The following TUBGCP2 variants were observed in gnomAD, a reference collection of about 807,000 sequenced individuals.
TUBGCP2 encodes gamma-tubulin complex component 2.
A neutral mutation model predicts 92.2 loss-of-function variants in TUBGCP2; 55 were observed. The ratio of observed to expected loss-of-function variants is 0.60; its 90% CI spans 0.48 to 0.75. The LOEUF is 0.75. Among genes scored for constraint, TUBGCP2 ranks in the 30% least tolerant of loss-of-function variants. The probability of loss-of-function intolerance (pLI) is 0.00; values close to 1 mark genes in which losing one functional copy is unlikely to be tolerated. For missense variants in TUBGCP2, 1,093 were observed against 1,188.9 expected, an observed-to-expected ratio of 0.92 and a Z score of 1.19; for synonymous variants, 533 against 505.2, an observed-to-expected ratio of 1.06 and a Z score of -0.74.
intron 1 of TUBGCP2, among the ~76,000 whole-genome samples, chr10:133,307,259 C>T (rs759221565): frequency 2.6e-5 from 4 of 152,178 alleles, no homozygotes; most frequent in Non-Finnish European, 5.9e-5. Flanking sequence ...GAGGGACTGA[C>T]GTCCTCCTCA....
intron 11 of TUBGCP2, among the ~76,000 whole-genome samples, chr10:133,287,689 T>C (rs3008340): frequency 0.89 from 134,902 of 151,084 alleles, 60,322 homozygotes; most frequent in East Asian, 0.94. Context: ...TGCAGTGAGC[T>C]GAGATCATGC....
chr10:133,304,399 G>A (rs887681691), intron 1 of TUBGCP2, among the ~76,000 whole-genome samples: 3 of 152,204 alleles, frequency 2.0e-5, no homozygotes, highest in Non-Finnish European at 4.4e-5. Flanking sequence ...CTACACAAGG[G>A]TTCTTAAGCC....
At chr10:133,295,142 G>T (rs924088776) in intron 5 of TUBGCP2, 1 of 152,296 alleles carries the variant, frequency 6.6e-6, no homozygotes, top group Non-Finnish European at 1.5e-5. Context: ...CCTGGCTGTG[G>T]AGGGACCTCA....
In TUBGCP2 at chr10:133,302,820, G is replaced by C; in HGVS notation, c.122C>G (p.Thr41Ser). 1.2e-6 allele frequency: 2 copies of C among 1,613,098 alleles called. No individual in the cohort carries two copies. The highest frequency in any genetic ancestry group is 8.5e-7 in the Non-Finnish European group (1 of 1,180,002). Residue 41 changes from threonine (T) to serine (S), a missense_variant, in exon 2 of 18, where the codon ACT becomes AGT. Transcript: ENST00000252936. ...GGCACTGTGAGCAGAGACAGTGGTA[G>C]TGACGTACGGGGTCCTGTTCTTTTG... ...LLQKNRTPYV[T>S]TTVSAHSAKV...
intron 1 of TUBGCP2, among the ~76,000 whole-genome samples, chr10:133,307,792 G>A (rs936650295): frequency 2.0e-5 from 3 of 152,132 alleles, no homozygotes; most frequent in African/African-American, 7.2e-5. Flanking sequence ...CCTTCTGTGC[G>A]ATCATCAGAG....
chr10:133,288,016 C>A (rs553939854), intron 11 of TUBGCP2, 113 bp downstream of exon 11: 9 of 1,354,420 alleles, frequency 6.6e-6, no homozygotes, highest in South Asian at 1.5e-5. Flanking sequence ...ACAGACCCTG[C>A]GGTCGCCTCA....
chr10:133,293,803 C>T lies in TUBGCP2; in HGVS notation c.617-34G>A, dbSNP rs757450143. 6.4e-6 allele frequency: 10 copies of T among 1,550,624 alleles called. No homozygotes were observed. In the South Asian group the frequency reaches 9.4e-5, roughly 15 times the overall value. ...ACAGACAGCGCTGTGGCTCTGCAGC[C>T]CCCACTCCCATGCCCCCACAGCCAC... On this transcript the variant is annotated intron_variant, in intron 5 of 17. Transcript: ENST00000252936.
intron 8 of TUBGCP2, 112 bp from the exon 9 acceptor site, chr10:133,290,081 C>T: frequency 7.0e-7 from 1 of 1,420,618 alleles, no homozygotes; most frequent in African/African-American, 1.4e-5. Context: ...AGCACACTTC[C>T]AAGTAACGTT....
At position 133,284,053 on chromosome 10, in the gene TUBGCP2, G is replaced by A. The variant is rs75055029; in HGVS notation, c.2025-51C>T. ...AGCCATGGAGGACGCGGCCCCGACAGCGCCCACCAAGTGACACGGAGGACG... is the reference window on the plus strand; with the variant it reads ...AGCCATGGAGGACGCGGCCCCGACAACGCCCACCAAGTGACACGGAGGACG... On this transcript the variant is annotated intron_variant, in intron 13 of 17. Transcript: ENST00000252936. 31 of 1,594,692 alleles carry A rather than the reference G, an allele frequency of 1.9e-5. No homozygotes were observed. In the East Asian group the frequency reaches 5.9e-4, roughly 30 times the overall value.
In TUBGCP2 at chr10:133,281,254, CG is replaced by C; in HGVS notation, c.2573+18del. 1 of 1,606,622 alleles carries C rather than the reference CG, an allele frequency of 6.2e-7. No individual in the cohort carries two copies. On this transcript the variant is annotated intron_variant, in intron 17 of 17. Coordinates refer to ENST00000252936, the MANE Select transcript of TUBGCP2 (RefSeq NM_006659.4). ...GGACTGAGCTGAGGAAGGGCTGAGC[CG>C]GGGTGGCGCCCACCCACCTGGAGAT...
chr10:133,289,832 A>C lies in TUBGCP2; in HGVS notation c.1352T>G (p.Leu451Arg). 8.6e-6 allele frequency: 4 copies of C among 463,824 alleles called. No individual in the cohort carries two copies. Among genetic ancestry groups the C allele is most frequent in the Non-Finnish European group, 1.2e-5 (4 of 334,522 alleles). The allele number at this position is 463,824 out of a possible 1,614,324, so 28.7% of individuals were successfully genotyped here. A position where few individuals can be genotyped will look rare whatever the true frequency, so the allele number is the denominator to read the frequency against. ...CGCCCGCTGCGCCGCACCTGTGCTG[A>C]GGATCTTGTCCGCCATTTTCTGCAG... is the stretch of plus-strand genomic sequence containing the variant. Reference protein sequence around the residue: ...SFLQKMADKILSTGKYLNVVR... With the variant: ...SFLQKMADKIRSTGKYLNVVR... Residue 451 changes from leucine to arginine, a missense_variant, in exon 9 of 18, where the codon CTC becomes CGC. Around this residue, in one of 3 missense-constraint regions of TUBGCP2, gnomAD observed 598 missense variants for 675.5 expected, o/e 0.89. Coordinates refer to ENST00000252936, the MANE Select transcript of TUBGCP2 (RefSeq NM_006659.4).
chr10:133,286,198 C>T (rs1387412193), intron 11 of TUBGCP2, among the ~76,000 whole-genome samples: 1 of 152,034 alleles, frequency 6.6e-6, no homozygotes, highest in Non-Finnish European at 1.5e-5. Flanking sequence ...CAGAAATGAG[C>T]CCCTGACATC....
chr10:133,290,813 C>T (rs1414714955), intron 8 of TUBGCP2: 4 of 152,336 alleles, frequency 2.6e-5, no homozygotes, highest in African/African-American at 9.7e-5. Context: ...ATCATTTACG[C>T]ACTTCAAGTG....
At chr10:133,279,940 T>C (rs1846924232) in intron 17 of TUBGCP2, 39 bp from the exon 18 acceptor site, 3 of 1,597,162 alleles carry the variant, frequency 1.9e-6, no homozygotes, top group Non-Finnish European at 2.6e-6. Flanking sequence ...GCACACCCCT[T>C]CTGCGGGTGC....
intron 14 of TUBGCP2, among the ~76,000 whole-genome samples, chr10:133,283,489 C>A (rs1272253326): frequency 6.6e-6 from 1 of 152,256 alleles, no homozygotes; most frequent in East Asian, 1.9e-4. Context: ...TGCCTTCAGG[C>A]CCCTCAGCCT....
At chr10:133,309,099 G>T, upstream of TUBGCP2, 1 of 1,319,948 alleles carries the variant, frequency 7.6e-7, no homozygotes, top group Non-Finnish European at 9.7e-7. Flanking sequence ...TCTTCGAGGT[G>T]CGTGAGCAAA....
chr10:133,312,162 A>ATCACCTGTGCCGTCCGCGTTTCTAGCG, upstream of TUBGCP2: 1 of 1,335,908 alleles, frequency 7.5e-7, no homozygotes. Context: ...CCTTAATAGC[A>ATCACCTGTGCCGTCCGCGTTTCTAGCG]TCACCTGTGC....
upstream of TUBGCP2, chr10:133,312,005 C>T: frequency 6.3e-7 from 1 of 1,591,216 alleles, no homozygotes; most frequent in Non-Finnish European, 8.6e-7. Flanking sequence ...TATCTCAGGT[C>T]CTGTGAATAA....
chr10:133,306,603 T>C (rs752176790), intron 1 of TUBGCP2, among the ~76,000 whole-genome samples: 9 of 152,024 alleles, frequency 5.9e-5, no homozygotes, highest in Admixed American at 2.6e-4. Context: ...CTGGCTAACA[T>C]GGTGAAACCC....
Sources: allele counts gnomAD v4.1 joint callset (sites outside exome capture counted in the v4.1 genomes callset), GRCh38; gene constraint gnomAD v4.1.1; regional missense constraint gnomAD v4.1.1; transcripts MANE v1.5; gene names NCBI Gene and HGNC (gene_info 2026-07-23, HGNC 2026-07-21).